SMIM21: variants seen among roughly 807,000 people sequenced by gnomAD.
The protein encoded by SMIM21 is chromosome 18 open reading frame 62.
Under a neutral mutation model 8.6 loss-of-function variants are expected in SMIM21, and 8 were observed. The observed-to-expected ratio is 0.93, with a 90% confidence interval of 0.55 to 1.68. SMIM21 has a LOEUF of 1.68. Among genes scored for constraint, SMIM21 ranks in the 40% most tolerant of loss-of-function variants. The probability of loss-of-function intolerance (pLI) is 0.00; values close to 1 mark genes in which losing one functional copy is unlikely to be tolerated. For missense variants in SMIM21, 132 were observed against 123.0 expected, an observed-to-expected ratio of 1.07 and a Z score of -0.35; for synonymous variants, 43 against 41.7, an observed-to-expected ratio of 1.03 and a Z score of -0.12.
At chr18:75,418,725 T>C (rs1268646297) in intron 2 of SMIM21, 61 bp downstream of exon 2, 2 of 1,473,624 alleles carry the variant, frequency 1.4e-6, no homozygotes, top group Admixed American at 2.2e-5. Flanking sequence ...AAGGTTATCG[T>C]TTACTCACTT....
intron 2 of SMIM21, chr18:75,418,308 A>G: frequency 5.1e-6 from 2 of 395,048 alleles, no homozygotes; most frequent in Non-Finnish European, 8.9e-6. Context: ...ACTAAGCACA[A>G]CTGGAATCAC....
intron 2 of SMIM21, among the ~76,000 whole-genome samples, chr18:75,413,273 T>C (rs2024602369): frequency 6.6e-6 from 1 of 152,182 alleles, no homozygotes; most frequent in South Asian, 2.1e-4. Context: ...CTGCCAAGCT[T>C]TCTGTCTCCG....
chr18:75,410,484 G>A lies in SMIM21; in HGVS notation c.*380C>T, dbSNP rs888186950. Reference sequence around the variant, plus strand: ...ACCACACAGAGCCTTAGGTGGTCCCGAAATAAGTGAAAGCACTTGCAAGGA... The same window carrying A: ...ACCACACAGAGCCTTAGGTGGTCCCAAAATAAGTGAAAGCACTTGCAAGGA... On this transcript the variant is annotated 3_prime_UTR_variant, in exon 3 of 3. Transcript: ENST00000579022. 5.5e-5 allele frequency: 13 copies of A among 235,532 alleles called. No individual in the cohort carries two copies. The highest frequency in any genetic ancestry group is 1.6e-3 in the Middle Eastern group (1 of 642). The allele number at this position is 235,532 out of a possible 1,614,324, so 14.6% of individuals were successfully genotyped here. A position where few individuals can be genotyped will look rare whatever the true frequency, so the allele number is the denominator to read the frequency against.
intron 2 of SMIM21, chr18:75,418,012 A>G (rs1055855484): frequency 2.6e-6 from 1 of 391,176 alleles, no homozygotes; most frequent in Non-Finnish European, 4.5e-6. Flanking sequence ...TTCAGTTTTG[A>G]TGTGAGGACT....
chr18:75,414,727 T>C, intron 2 of SMIM21, among the ~76,000 whole-genome samples: 1 of 152,156 alleles, frequency 6.6e-6, no homozygotes, highest in East Asian at 1.9e-4. Context: ...GAAGAGAGAA[T>C]AAGAGGATCC....
At chr18:75,413,689 G>A (rs368440914) in intron 2 of SMIM21, among the ~76,000 whole-genome samples, 9 of 152,182 alleles carry the variant, frequency 5.9e-5, no homozygotes, top group East Asian at 3.9e-4. Flanking sequence ...CAGCCAGACC[G>A]AACAGGTTCT....
chr18:75,419,141 G>A (rs949138568), intron 1 of SMIM21: 20 of 329,530 alleles, frequency 6.1e-5, no homozygotes, highest in South Asian at 1.6e-4. Flanking sequence ...GAGATCTGCC[G>A]TGTAGAATTT....
In SMIM21 at chr18:75,410,832, A is replaced by G. The variant is rs2024575752; in HGVS notation, c.*32T>C. On this transcript the variant is annotated 3_prime_UTR_variant, in exon 3 of 3. Coordinates refer to ENST00000579022, the MANE Select transcript of SMIM21 (RefSeq NM_001037331.3). ...ATCTTGAGCAGGGGAAATCCATGGT[A>G]TGAAGGCCATGAGAGAGAAACGTAG... 6.2e-7 allele frequency: 1 copy of G among 1,613,624 alleles called. No homozygotes were observed. The highest frequency in any genetic ancestry group is 1.7e-5 in the Admixed American group (1 of 59,972).
chr18:75,411,094 G>A (rs1459672665), intron 2 of SMIM21, among the ~76,000 whole-genome samples, 185 bp from the exon 3 acceptor site: 1 of 152,138 alleles, frequency 6.6e-6, no homozygotes, highest in Non-Finnish European at 1.5e-5. Flanking sequence ...CTGTTTGATG[G>A]TAACAGGAAT....
chr18:75,426,403 G>A (rs563365920), intron 1 of SMIM21, among the ~76,000 whole-genome samples: 8 of 151,706 alleles, frequency 5.3e-5, no homozygotes, highest in Non-Finnish European at 8.8e-5. Flanking sequence ...TCTGCCTCCC[G>A]GGTTCACACC....
chr18:75,427,201 T>C (rs1440532165), intron 1 of SMIM21, among the ~76,000 whole-genome samples: 2 of 152,142 alleles, frequency 1.3e-5, no homozygotes, highest in Admixed American at 1.3e-4. Context: ...GCCCAGTACC[T>C]TTTCTGAAAG....
rs2024574540 is a variant in SMIM21 at position 75,410,734 on chromosome 18, G to A, written c.*130C>T. On this transcript the variant is annotated 3_prime_UTR_variant, in exon 3 of 3. Transcript: ENST00000579022. ...AAGTTACACGTTCTTCATTCTCTCT[G>A]TGGAGCTCCTTTTAAAAAGTGAGCA... The A allele has an allele frequency of 1.3e-6, 2 of 1,509,082 alleles. No individual in the cohort carries two copies. Among genetic ancestry groups the A allele is most frequent in the Admixed American group, 2.3e-5 (1 of 43,774 alleles). The allele number at this position is 1,509,082 out of a possible 1,614,324, so 93.5% of individuals were successfully genotyped here. A position where few individuals can be genotyped will look rare whatever the true frequency, so the allele number is the denominator to read the frequency against.
chr18:75,421,266 A>T (rs2144556567), intron 1 of SMIM21, among the ~76,000 whole-genome samples: 1 of 152,378 alleles, frequency 6.6e-6, no homozygotes, highest in Middle Eastern at 3.4e-3. Flanking sequence ...CATTCTGTGT[A>T]AACGTTGAAC....
rs777868079 is a variant in SMIM21 at position 75,418,886 on chromosome 18, T to C, written c.160A>G (p.Thr54Ala). 1 of 1,603,330 alleles carries C rather than the reference T, an allele frequency of 6.2e-7. No homozygotes were observed. The highest frequency in any genetic ancestry group is 8.5e-7 in the Non-Finnish European group (1 of 1,170,264). ...FENEHHIRFFTLLVLFHVMVL... is the reference protein window; with the variant it reads ...FENEHHIRFFALLVLFHVMVL... The stretch of plus-strand genomic sequence containing the variant: ...ATCACATGGAAAAGAACCAACAATG[T>C]GAAGAAACGAATATGGTGTTCATTT... Residue 54 changes from threonine (T) to alanine (A), a missense_variant, in exon 2 of 3, where the codon ACA becomes GCA. By Grantham distance (58) the Thr-to-Ala change is moderately conservative. Coordinates refer to ENST00000579022, the MANE Select transcript of SMIM21 (RefSeq NM_001037331.3).
chr18:75,421,813 G>A (rs866604672), intron 1 of SMIM21, among the ~76,000 whole-genome samples: 6 of 152,166 alleles, frequency 3.9e-5, no homozygotes, highest in African/African-American at 1.4e-4. Context: ...CTTAATAGAA[G>A]GCAACTGGGT....
intron 2 of SMIM21, among the ~76,000 whole-genome samples, chr18:75,415,354 C>A (rs906241144): frequency 1.3e-5 from 2 of 152,212 alleles, no homozygotes; most frequent in African/African-American, 4.8e-5. Flanking sequence ...TGAGAGCTTG[C>A]AGAGCAGGAG....
intron 2 of SMIM21, among the ~76,000 whole-genome samples, chr18:75,411,476 A>G (rs761812525): frequency 6.6e-6 from 1 of 152,228 alleles, no homozygotes; most frequent in Non-Finnish European, 1.5e-5. Flanking sequence ...TCCTTGGAAG[A>G]TGAGACTGTG....
intron 2 of SMIM21, chr18:75,416,691 A>G (rs1437254261): frequency 6.6e-6 from 1 of 152,186 alleles, no homozygotes; most frequent in Non-Finnish European, 1.5e-5. Context: ...TTCCAAATGC[A>G]TAGTCAGTTG....
chr18:75,418,200 A>G, intron 2 of SMIM21: 1 of 398,528 alleles, frequency 2.5e-6, no homozygotes, highest in Non-Finnish European at 4.4e-6. Flanking sequence ...TACCTGTTGA[A>G]GGAAAAATAA....
Sources: gnomAD v4.1 joint callset for allele counts (sites outside exome capture counted in the v4.1 genomes callset) on GRCh38, gnomAD v4.1.1 for gene constraint, MANE v1.5 for transcripts, NCBI Gene and HGNC (gene_info 2026-07-23, HGNC 2026-07-21) for gene names.